Variants in NMU observed in about 807,000 individuals in gnomAD.
NMU encodes neuromedin-U.
A neutral mutation model predicts 35.4 loss-of-function variants in NMU; 29 were observed. The observed-to-expected ratio is 0.82, with a 90% CI of 0.61 to 1.12. The LOEUF (loss-of-function observed/expected upper bound fraction) is 1.12. NMU is among the 50% of genes most tolerant of loss of function. The pLI, the probability that NMU is intolerant of heterozygous loss-of-function variation, is 0.00. For synonymous variants in NMU, 78 were observed against 81.3 expected (o/e 0.96, Z 0.22); for missense variants, 199 against 206.2 (o/e 0.97, Z 0.21).
chr4:55,626,480 G>T (rs1209891628), intron 2 of NMU, among the ~76,000 whole-genome samples: 1 of 152,186 alleles, frequency 6.6e-6, no homozygotes, highest in Non-Finnish European at 1.5e-5. Context: ...CAAGGTGGGC[G>T]GATCACTTGA....
At chr4:55,632,785 C>A (rs565319672) in intron 1 of NMU, among the ~76,000 whole-genome samples, 5 of 152,246 alleles carry the variant, frequency 3.3e-5, no homozygotes, top group African/African-American at 9.6e-5. Context: ...TCCACCTCAA[C>A]TTCACTGTGT....
chr4:55,595,365 A>G lies in NMU; in HGVS notation c.*51T>C, dbSNP rs893772446. On this transcript the variant is annotated 3_prime_UTR_variant, in exon 10 of 10. Transcript: ENST00000264218. Reference sequence around the variant, plus strand: ...TTTCAGAAGAAAACAAAATGTCAGTACATTTTGTATTCCATAGCATTGCTC... The same window carrying G: ...TTTCAGAAGAAAACAAAATGTCAGTGCATTTTGTATTCCATAGCATTGCTC... The G allele has an allele frequency of 1.3e-5, 2 of 152,440 alleles. No homozygotes were observed. The highest frequency in any genetic ancestry group is 2.9e-5 in the Non-Finnish European group (2 of 68,002). 9.4% of individuals were successfully genotyped at this position (152,440 alleles called of 1,614,324 possible). A position where few individuals can be genotyped will look rare whatever the true frequency, so the allele number is the denominator to read the frequency against.
chr4:55,607,321 T>C lies in NMU; in HGVS notation c.337A>G (p.Lys113Glu). 6.2e-7 allele frequency: 1 copy of C among 1,608,380 alleles called. No individual in the cohort carries two copies. The highest frequency in any genetic ancestry group is 8.5e-7 in the Non-Finnish European group (1 of 1,175,238). Residue 113 changes from lysine to glutamate, a missense_variant, in exon 6 of 10, where the codon AAG becomes GAG. By Grantham distance (56) the Lys-to-Glu change is moderately conservative. Transcript: ENST00000264218. ...ACCACAACATTTGACTTGCCCAACT[T>C]CTGTGTCTTCGAATAATGAAATAAG... ...RFLFHYSKTQ[K>E]LGKSNVVSSV...
intron 1 of NMU, among the ~76,000 whole-genome samples, chr4:55,633,865 C>T (rs961665339): frequency 6.6e-6 from 1 of 152,160 alleles, no homozygotes; most frequent in Non-Finnish European, 1.5e-5. Context: ...AACTTATTGT[C>T]ACAGGCAAAA....
intron 7 of NMU, among the ~76,000 whole-genome samples, chr4:55,602,762 T>G (rs1400276535): frequency 4.6e-5 from 7 of 152,220 alleles, no homozygotes; most frequent in African/African-American, 1.7e-4. Flanking sequence ...CTGCCTAAGA[T>G]CTTACATTTC....
chr4:55,625,912 A>T (rs1734508853), intron 2 of NMU, among the ~76,000 whole-genome samples: 1 of 151,980 alleles, frequency 6.6e-6, no homozygotes, highest in Non-Finnish European at 1.5e-5. Flanking sequence ...CTCCCCAGTG[A>T]CAGACAGCTG....
In NMU at chr4:55,636,246, G is replaced by A. The variant is rs1167112648; in HGVS notation, c.-54C>T. ...GGGACGCTGCGCTGCGCCACGCGTA[G>A]CTGGTGCTCCACCTGGTGCCCTGGC... On this transcript the variant is annotated 5_prime_UTR_variant, in exon 1 of 10. Coordinates refer to ENST00000264218, the MANE Select transcript of NMU (RefSeq NM_006681.4). The surrounding 1 kb of genome is among the most constrained non-coding windows in gnomAD (Gnocchi z 4.0). The A allele has an allele frequency of 7.0e-7, 1 of 1,419,814 alleles. No individual in the cohort carries two copies. Among genetic ancestry groups the A allele is most frequent in the Non-Finnish European group, 9.1e-7 (1 of 1,096,926 alleles). The allele number at this position is 1,419,814 out of a possible 1,614,324, so 88.0% of individuals were successfully genotyped here. A position where few individuals can be genotyped will look rare whatever the true frequency, so the allele number is the denominator to read the frequency against.
At chr4:55,636,418 C>G (rs1231820657), upstream of NMU, 2 of 568,590 alleles carry the variant, frequency 3.5e-6, no homozygotes, top group African/African-American at 2.0e-5. The surrounding 1 kb of genome is among the most constrained non-coding windows in gnomAD (Gnocchi z 4.0). Context: ...CACCCCGCCC[C>G]GCTGCCTGCC....
chr4:55,609,270 A>T, intron 3 of NMU, 91 bp from the exon 4 acceptor site: 1 of 915,706 alleles, frequency 1.1e-6, no homozygotes, highest in Non-Finnish European at 1.8e-6. Context: ...GGGCATGAGG[A>T]AATGCTAACT....
At chr4:55,599,426 T>C (rs745804748) in intron 8 of NMU, among the ~76,000 whole-genome samples, 13 of 152,216 alleles carry the variant, frequency 8.5e-5, no homozygotes, top group Non-Finnish European at 1.9e-4. Flanking sequence ...CACCATGAAC[T>C]AGATGCTATT....
rs182267257 is a variant in NMU at position 55,597,566 on chromosome 4, C to G, written c.*4+1576G>C. ...TATTTTTAGGAGAGACAGGATTTCT[C>G]CATGTTGGTCAGGCTGGTCAGGCTC... On this transcript the variant is annotated intron_variant, in intron 9 of 9. Coordinates refer to ENST00000264218, the MANE Select transcript of NMU (RefSeq NM_006681.4). Among the ~76,000 whole-genome samples, 31 of 152,190 alleles carry G rather than the reference C, an allele frequency of 2.0e-4. No individual in the cohort carries two copies. The East Asian group carries it at 5.2e-3, about 26-fold the overall frequency.
intron 7 of NMU, among the ~76,000 whole-genome samples, chr4:55,605,045 A>G (rs1263102223): frequency 6.6e-6 from 1 of 152,122 alleles, no homozygotes. Context: ...AGCTTTCCTC[A>G]ATGTCCACAG....
In NMU at chr4:55,628,745, C is replaced by G. The variant is rs563273168; in HGVS notation, c.171+1657G>C. ...TCTTGTGATCCACCCACCTCAGCCT[C>G]ACAAAGTGCTGGGATTACAGGTGTG... On this transcript the variant is annotated intron_variant, in intron 2 of 9. Coordinates refer to ENST00000264218, the MANE Select transcript of NMU (RefSeq NM_006681.4). Among the ~76,000 whole-genome samples, 4 of 152,234 alleles carry G rather than the reference C, an allele frequency of 2.6e-5. No homozygotes were observed. The East Asian group carries it at 7.7e-4, about 29-fold the overall frequency.
intron 1 of NMU, among the ~76,000 whole-genome samples, chr4:55,630,993 C>A (rs183169509): frequency 6.6e-6 from 1 of 151,888 alleles, no homozygotes. Flanking sequence ...TTTAGACTAA[C>A]GGAAAAGAAT....
In NMU at chr4:55,632,671, C is replaced by T. The variant is rs1715664740; in HGVS notation, c.113-2211G>A. 2.0e-5 allele frequency among the ~76,000 whole-genome samples: 3 copies of T among 152,122 alleles called. No individual in the cohort carries two copies. In the South Asian group the frequency reaches 6.2e-4, roughly 32 times the overall value. The stretch of plus-strand genomic sequence containing the variant: ...ATTTCCATATAAAACACCTGGTGAC[C>T]TCACTAAATGAGATTCTGTTTGACA... On this transcript the variant is annotated intron_variant, in intron 1 of 9. Transcript: ENST00000264218.
At chr4:55,597,504 G>A (rs981986490) in intron 9 of NMU, among the ~76,000 whole-genome samples, 2 of 152,014 alleles carry the variant, frequency 1.3e-5, no homozygotes, top group African/African-American at 4.8e-5. Context: ...GAGTAGCTGG[G>A]ATTACAGGCA....
In NMU at chr4:55,617,460, C is replaced by A. The variant is rs767397968; in HGVS notation, c.172-1075G>T. Reference sequence around the variant, plus strand: ...TGTTTGTTCCACTCATCCTTTGCACCCACCCACCTGGTCCCTCTTCCTTGC... The same window carrying A: ...TGTTTGTTCCACTCATCCTTTGCACACACCCACCTGGTCCCTCTTCCTTGC... On this transcript the variant is annotated intron_variant, in intron 2 of 9. Coordinates refer to ENST00000264218, the MANE Select transcript of NMU (RefSeq NM_006681.4). 2.4e-4 allele frequency among the ~76,000 whole-genome samples: 36 copies of A among 151,880 alleles called. 1 individual carries two copies. Among genetic ancestry groups the A allele is most frequent in the Admixed American group, 9.2e-4 (14 of 15,216 alleles).
Position 55,604,906 on chromosome 4 carries a change from G to A in NMU, c.435+369C>T, listed in dbSNP as rs555364303. Among the ~76,000 whole-genome samples the A allele has an allele frequency of 2.6e-5, 4 of 151,862 alleles. No homozygotes were observed. The South Asian group carries it at 8.3e-4, about 32-fold the overall frequency. On this transcript the variant is annotated intron_variant, in intron 7 of 9. Transcript: ENST00000264218. The stretch of plus-strand genomic sequence containing the variant: ...GCTATTTGCCAAGCTGGATACAGAG[G>A]GGCAGTACATTGTCCTTTATTTGTT...
At chr4:55,601,895 G>A (rs1733442238) in intron 7 of NMU, among the ~76,000 whole-genome samples, 1 of 152,054 alleles carries the variant, frequency 6.6e-6, no homozygotes, top group Non-Finnish European at 1.5e-5. Context: ...TCCTCAGGAG[G>A]CTGAGGTGGG....
Sources: gnomAD v4.1 joint callset for allele counts (sites outside exome capture counted in the v4.1 genomes callset) on GRCh38, gnomAD v4.1.1 for gene constraint, Gnocchi (gnomAD v3.1) non-coding constraint, MANE v1.5 for transcripts, NCBI Gene and HGNC (gene_info 2026-07-23, HGNC 2026-07-21) for gene names.